FZD5: variants seen among roughly 807,000 people sequenced by gnomAD.
FZD5 encodes the protein frizzled-5.
Under a neutral mutation model 40.8 loss-of-function variants are expected in FZD5, and 12 were observed. The observed-to-expected ratio is 0.29, with a 90% confidence interval of 0.19 to 0.48. The LOEUF (loss-of-function observed/expected upper bound fraction) is 0.48, where lower values mean the gene tolerates loss of function less well. Among genes scored for constraint, FZD5 ranks in the 20% least tolerant of loss-of-function variants. The probability of loss-of-function intolerance (pLI) is 0.99; values close to 1 mark genes in which losing one functional copy is unlikely to be tolerated. For missense variants in FZD5, 622 were observed against 832.8 expected (o/e 0.75, Z 3.12); for synonymous variants, 380 against 383.7 (o/e 0.99, Z 0.11).
rs2091967147 is a variant in FZD5, at chr2:207,763,952, T to C, written c.*3030A>G. On this transcript the variant is annotated 3_prime_UTR_variant, in exon 2 of 2. Transcript: ENST00000295417. ...CACTGGCAATGGTCATGAGAAAATA[T>C]GAGAAAGGTTTGCAAGGAAAACCAA... The C allele has an allele frequency of 6.6e-6, 1 of 152,610 alleles. No homozygotes were observed. The highest frequency in any genetic ancestry group is 1.5e-5 in the Non-Finnish European group (1 of 68,016). The allele number at this position is 152,610 out of a possible 1,614,324, so 9.5% of individuals were successfully genotyped here. A position where few individuals can be genotyped will look rare whatever the true frequency, so the allele number is the denominator to read the frequency against.
chr2:207,767,259 G>A lies in FZD5; in HGVS notation c.1481C>T (p.Pro494Leu), dbSNP rs745786599. The change falls in exon 2 of 2, where the codon CCG becomes CTG. Residue 494 changes from proline to leucine, a missense_variant. Transcript: ENST00000295417. The stretch of plus-strand genomic sequence containing the variant: ...CACCCAGTACTCGGGCTTGGCGCGC[G>A]GCTGGCCGGTGTCGTGGCCCGGGCA... ...CACPGHDTGQ[P>L]RAKPEYWVLM... 11 of 1,610,682 alleles carry A rather than the reference G, an allele frequency of 6.8e-6. No homozygotes were observed. Among genetic ancestry groups the A allele is most frequent in the Non-Finnish European group, 9.3e-6 (11 of 1,179,004 alleles).
rs1006111991 is a variant in FZD5, at chr2:207,769,740, G to A, written c.-731C>T. On this transcript the variant is annotated 5_prime_UTR_variant, in exon 1 of 2. Coordinates refer to ENST00000295417, the MANE Select transcript of FZD5 (RefSeq NM_003468.4). ...GCCGCTCGCCTCCTCCCCTGCAGGG[G>A]GCTCCGCGCTCCAGTGGACTCCTGG... Among the ~76,000 whole-genome samples, 23 of 152,052 alleles carry A rather than the reference G, an allele frequency of 1.5e-4. No individual in the cohort carries two copies. The highest frequency in any genetic ancestry group is 1.0e-3 in the Admixed American group (16 of 15,270).
chr2:207,769,438 TGGGGGGC>T lies in FZD5; in HGVS notation c.-436_-430del, dbSNP rs2091999906. 1 of 152,356 alleles carries T rather than the reference TGGGGGGC, an allele frequency of 6.6e-6. No homozygotes were observed. Among genetic ancestry groups the T allele is most frequent in the East Asian group, 1.9e-4 (1 of 5,142 alleles). 9.4% of individuals were successfully genotyped at this position (152,356 alleles called of 1,614,324 possible). ...GGCAGCAGGTGGGGGCGACTCAGAG[TGGGGGGC>T]GCCCCCAGAACAGGGGCGGCGCAGG... On this transcript the variant is annotated 5_prime_UTR_variant, in exon 1 of 2. An upstream open reading frame in the 5' UTR loses its in-frame stop. Coordinates refer to ENST00000295417, the MANE Select transcript of FZD5 (RefSeq NM_003468.4).
At position 207,768,658 on chromosome 2, in the gene FZD5, A is replaced by C. The variant is rs2105852116; in HGVS notation, c.82T>G (p.Ser28Ala). The C allele has an allele frequency of 1.2e-6, 2 of 1,611,290 alleles. No homozygotes were observed. Among genetic ancestry groups the C allele is most frequent in the South Asian group, 2.2e-5 (2 of 90,886 alleles). ...ATTTCCTGGCACACCGGGGCCTTGGACGCGGCGGCCGCCCGGCCCACCAGC... is the reference window on the plus strand; with the variant it reads ...ATTTCCTGGCACACCGGGGCCTTGGCCGCGGCGGCCGCCCGGCCCACCAGC... ...AQLVGRAAAA[S>A]KAPVCQEITV... Residue 28 changes from serine (S) to alanine (A), a missense_variant, in exon 2 of 2, where the codon TCC (serine) becomes GCC (alanine). Physicochemically the swap from Ser to Ala is moderately conservative, Grantham distance 99. This residue lies in a region of FZD5 where 144 missense variants were observed against 214.2 expected (regional missense o/e 0.67). Transcript: ENST00000295417.
At position 207,763,859 on chromosome 2, in the gene FZD5, T is replaced by C. The variant is rs1243088124; in HGVS notation, c.*3123A>G. On this transcript the variant is annotated 3_prime_UTR_variant, in exon 2 of 2. Coordinates refer to ENST00000295417, the MANE Select transcript of FZD5 (RefSeq NM_003468.4). The stretch of plus-strand genomic sequence containing the variant: ...CTAATGAATACCAACTTTGAAACAG[T>C]GCTGTCGGCACGTTATTTAAGCTTG... 2 of 152,628 alleles carry C rather than the reference T, an allele frequency of 1.3e-5. No individual in the cohort carries two copies. Among genetic ancestry groups the C allele is most frequent in the Admixed American group, 6.5e-5 (1 of 15,280 alleles). The allele number at this position is 152,628 out of a possible 1,614,324, so 9.5% of individuals were successfully genotyped here. A position where few individuals can be genotyped will look rare whatever the true frequency, so the allele number is the denominator to read the frequency against.
rs1019026888 is a variant in FZD5 at position 207,767,286 on chromosome 2, G to T, written c.1454C>A (p.Ala485Asp). Residue 485 changes from alanine (A) to aspartate (D), a missense_variant, in exon 2 of 2, where the codon GCC (alanine) becomes GAC (aspartate). Around this residue, in one of 4 missense-constraint regions of FZD5, gnomAD observed 154 missense variants for 152.1 expected, o/e 1.01. Coordinates refer to ENST00000295417, the MANE Select transcript of FZD5 (RefSeq NM_003468.4). The part of the protein sequence containing the change: ...RESWEAALTC[A>D]CPGHDTGQPR... ...CTGGCCGGTGTCGTGGCCCGGGCAG[G>T]CGCAGGTGAGCGCCGCCTCCCAGCT... 4.0e-5 allele frequency: 65 copies of T among 1,610,698 alleles called. No homozygotes were observed. The highest frequency in any genetic ancestry group is 5.3e-5 in the Non-Finnish European group (63 of 1,179,120).
rs776562411 is a variant in FZD5, at chr2:207,768,286, G to A, written c.454C>T (p.Arg152Cys). Residue 152 changes from arginine (R) to cysteine (C), a missense_variant, in exon 2 of 2, where the codon CGC becomes TGC. Physicochemically the swap from Arg to Cys is radical, Grantham distance 180 (BLOSUM62 -3). This residue lies in a region of FZD5 where 116 missense variants were observed against 117.7 expected (regional missense o/e 0.99). Coordinates refer to ENST00000295417, the MANE Select transcript of FZD5 (RefSeq NM_003468.4). Reference protein sequence around the residue: ...DAEVLCMDYNRSEATTAPPRP... With the variant: ...DAEVLCMDYNCSEATTAPPRP... ...GGGGGCGCCGTGGTGGCCTCGCTGC[G>A]GTTGTAATCCATGCAGAGGACCTCG... 8.4e-6 allele frequency: 13 copies of A among 1,543,418 alleles called. No homozygotes were observed. Among genetic ancestry groups the A allele is most frequent in the Admixed American group, 5.9e-5 (3 of 51,114 alleles).
rs1257702718 is a variant in FZD5, at chr2:207,767,071, G to T, written c.1669C>A (p.Pro557Thr). The T allele has an allele frequency of 6.3e-7, 1 of 1,590,802 alleles. No homozygotes were observed. The highest frequency in any genetic ancestry group is 8.5e-7 in the Non-Finnish European group (1 of 1,170,634). The change falls in exon 2 of 2, where the codon CCC (proline) becomes ACC (threonine). Residue 557 changes from proline (P) to threonine (T), a missense_variant. By Grantham distance (38) the Pro-to-Thr change is conservative. Around this residue, in one of 4 missense-constraint regions of FZD5, gnomAD observed 154 missense variants for 152.1 expected, o/e 1.01. Transcript: ENST00000295417. The part of the protein sequence containing the change: ...SGGAMAAGDY[P>T]EASAALTGRT... ...CCTGTGAGCGCGGCGCTCGCCTCGG[G>T]GTAGTCCCCTGCGGCCATGGCGCCC...
rs766330128 is a variant in FZD5, at chr2:207,767,527, G to T, written c.1213C>A (p.Leu405Met). 1 of 1,609,614 alleles carries T rather than the reference G, an allele frequency of 6.2e-7. No homozygotes were observed. The highest frequency in any genetic ancestry group is 8.5e-7 in the Non-Finnish European group (1 of 1,179,866). Residue 405 changes from leucine to methionine, a missense_variant, in exon 2 of 2, where the codon CTG (leucine) becomes ATG (methionine). By Grantham distance (15) the Leu-to-Met change is conservative. This residue lies in a region of FZD5 where 208 missense variants were observed against 348.9 expected (regional missense o/e 0.60). Coordinates refer to ENST00000295417, the MANE Select transcript of FZD5 (RefSeq NM_003468.4). ...QNLNSLRGFV[L>M]GPLVLYLLVG... ...AGCAGGTAGAGCACCAGCGGGCCCA[G>T]CACGAAGCCGCGCAGCGAGTTCAGG...
chr2:207,768,269 C>T lies in FZD5; in HGVS notation c.471G>A (p.Thr157=). Residue 157 remains threonine, a synonymous_variant, in exon 2 of 2, where the codon ACG becomes ACA. Transcript: ENST00000295417. ...TGGCTGGGAAAGGCCTGGGGGGCGC[C>T]GTGGTGGCCTCGCTGCGGTTGTAAT... The part of the protein sequence containing the change: ...CMDYNRSEAT[T]APPRPFPAKP... The T allele has an allele frequency of 6.5e-7, 1 of 1,545,256 alleles. No homozygotes were observed. Among genetic ancestry groups the T allele is most frequent in the South Asian group, 1.2e-5 (1 of 85,388 alleles).
chr2:207,765,711 G>T lies in FZD5; in HGVS notation c.*1271C>A, dbSNP rs1362826244. On this transcript the variant is annotated 3_prime_UTR_variant, in exon 2 of 2. Coordinates refer to ENST00000295417, the MANE Select transcript of FZD5 (RefSeq NM_003468.4). The stretch of plus-strand genomic sequence containing the variant: ...ACGTCTTGCTGCTCTTGGAATATCT[G>T]GCTATAAACTAGTCCAAAGTCCAGG... 1 of 152,488 alleles carries T rather than the reference G, an allele frequency of 6.6e-6. No individual in the cohort carries two copies. The highest frequency in any genetic ancestry group is 1.5e-5 in the Non-Finnish European group (1 of 68,008). 9.4% of individuals were successfully genotyped at this position (152,488 alleles called of 1,614,324 possible).
At position 207,768,671 on chromosome 2, in the gene FZD5, C is replaced by T; in HGVS notation, c.69G>A (p.Arg23=). 1 of 1,609,382 alleles carries T rather than the reference C, an allele frequency of 6.2e-7. No homozygotes were observed. Among genetic ancestry groups the T allele is most frequent in the Non-Finnish European group, 8.5e-7 (1 of 1,178,160 alleles). The change falls in exon 2 of 2, where the codon CGG becomes CGA. Residue 23 remains arginine (R), a synonymous_variant. Coordinates refer to ENST00000295417, the MANE Select transcript of FZD5 (RefSeq NM_003468.4). The part of the protein sequence containing the change: ...LLLLLAQLVG[R]AAAASKAPVC... The stretch of plus-strand genomic sequence containing the variant: ...CCGGGGCCTTGGACGCGGCGGCCGC[C>T]CGGCCCACCAGCTGCGCTAGGAGCA...
rs1331283838 is a variant in FZD5, at chr2:207,766,621, C to T, written c.*361G>A. ...ATTGAGACCACACAGTTCAAAGAAACCTGAACCAAGTGGAACTTCATTACA... is the reference window on the plus strand; with the variant it reads ...ATTGAGACCACACAGTTCAAAGAAATCTGAACCAAGTGGAACTTCATTACA... On this transcript the variant is annotated 3_prime_UTR_variant, in exon 2 of 2. Coordinates refer to ENST00000295417, the MANE Select transcript of FZD5 (RefSeq NM_003468.4). 1 of 188,156 alleles carries T rather than the reference C, an allele frequency of 5.3e-6. No homozygotes were observed. Among genetic ancestry groups the T allele is most frequent in the African/African-American group, 2.3e-5 (1 of 42,806 alleles). The allele number at this position is 188,156 out of a possible 1,614,324, so 11.7% of individuals were successfully genotyped here.
At position 207,766,726 on chromosome 2, in the gene FZD5, A is replaced by C. The variant is rs1466353951; in HGVS notation, c.*256T>G. ...TGCAACAAAGTTACAAATTAAGAAA[A>C]ATACATATAAATTAAAAAGAGGGTT... On this transcript the variant is annotated 3_prime_UTR_variant, in exon 2 of 2. Coordinates refer to ENST00000295417, the MANE Select transcript of FZD5 (RefSeq NM_003468.4). The C allele has an allele frequency of 2.8e-6, 1 of 361,258 alleles. No individual in the cohort carries two copies. Among genetic ancestry groups the C allele is most frequent in the African/African-American group, 2.1e-5 (1 of 47,632 alleles). The allele number at this position is 361,258 out of a possible 1,614,324, so 22.4% of individuals were successfully genotyped here. A position where few individuals can be genotyped will look rare whatever the true frequency, so the allele number is the denominator to read the frequency against.
rs2091996451 is a variant in FZD5 at position 207,768,892 on chromosome 2, A to T, written c.-153T>A. ...TTCCTTTAAAGAAAACCGTCCAAAG[A>T]TAAACTGCTTCGGGAAGGCGCTGCC... On this transcript the variant is annotated 5_prime_UTR_variant, in exon 2 of 2. Transcript: ENST00000295417. The T allele has an allele frequency of 1.5e-6, 1 of 647,272 alleles. No homozygotes were observed. Among genetic ancestry groups the T allele is most frequent in the African/African-American group, 1.9e-5 (1 of 52,528 alleles). The allele number at this position is 647,272 out of a possible 1,614,324, so 40.1% of individuals were successfully genotyped here.
rs2092001496 is a variant in FZD5, at chr2:207,769,661, C to T, written c.-652G>A. ...GCCGCCTCACAGCACCGCGAGCAGC[C>T]GGCGCTGGCCAGGCCGGGACTGCAT... is the stretch of plus-strand genomic sequence containing the variant. On this transcript the variant is annotated 5_prime_UTR_variant, in exon 1 of 2. Coordinates refer to ENST00000295417, the MANE Select transcript of FZD5 (RefSeq NM_003468.4). 1 of 152,006 alleles carries T rather than the reference C, an allele frequency of 6.6e-6. No homozygotes were observed. Among genetic ancestry groups the T allele is most frequent in the Admixed American group, 6.6e-5 (1 of 15,254 alleles). The allele number at this position is 152,006 out of a possible 1,614,324, so 9.4% of individuals were successfully genotyped here. A position where few individuals can be genotyped will look rare whatever the true frequency, so the allele number is the denominator to read the frequency against.
At position 207,767,707 on chromosome 2, in the gene FZD5, C is replaced by T; in HGVS notation, c.1033G>A (p.Gly345Ser). ...ILSLTWFLAAGMKWGNEAIAG... is the reference protein window; with the variant it reads ...ILSLTWFLAASMKWGNEAIAG... ...ATGGCCTCGTTGCCCCACTTCATGC[C>T]GGCGGCCAGGAACCAGGTGAGCGAC... Residue 345 changes from glycine to serine, a missense_variant, in exon 2 of 2, where the codon GGC (glycine) becomes AGC (serine). By Grantham distance (56) the Gly-to-Ser change is moderately conservative. This residue lies in a region of FZD5 where 208 missense variants were observed against 348.9 expected (regional missense o/e 0.60). Transcript: ENST00000295417. 2 of 1,613,970 alleles carry T rather than the reference C, an allele frequency of 1.2e-6. No homozygotes were observed. The highest frequency in any genetic ancestry group is 1.7e-6 in the Non-Finnish European group (2 of 1,179,948).
At position 207,767,101 on chromosome 2, in the gene FZD5, T is replaced by C. The variant is rs1396556953; in HGVS notation, c.1639A>G (p.Ser547Gly). 1 of 1,582,564 alleles carries C rather than the reference T, an allele frequency of 6.3e-7. No homozygotes were observed. Among genetic ancestry groups the C allele is most frequent in the Non-Finnish European group, 8.6e-7 (1 of 1,165,038 alleles). ...CCCRPRRGHK[S>G]GGAMAAGDYP... ...TCCCCTGCGGCCATGGCGCCCCCGC[T>C]CTTGTGGCCGCGCCGCGGGCGGCAG... The change falls in exon 2 of 2, where the codon AGC (serine) becomes GGC (glycine). Residue 547 changes from serine to glycine, a missense_variant. Physicochemically the swap from Ser to Gly is moderately conservative, Grantham distance 56. Transcript: ENST00000295417.
rs1287803241 is a variant in FZD5, at chr2:207,764,101, T to A, written c.*2881A>T. On this transcript the variant is annotated 3_prime_UTR_variant, in exon 2 of 2. Coordinates refer to ENST00000295417, the MANE Select transcript of FZD5 (RefSeq NM_003468.4). Reference sequence around the variant, plus strand: ...CTAATTCACTGAGAGGTCCCATTAGTTCCTTTAGACAACCTACCTGAATGG... The same window carrying A: ...CTAATTCACTGAGAGGTCCCATTAGATCCTTTAGACAACCTACCTGAATGG... 1 of 152,616 alleles carries A rather than the reference T, an allele frequency of 6.6e-6. No homozygotes were observed. Among genetic ancestry groups the A allele is most frequent in the Non-Finnish European group, 1.5e-5 (1 of 68,044 alleles). The allele number at this position is 152,616 out of a possible 1,614,324, so 9.5% of individuals were successfully genotyped here.
Sources: allele counts gnomAD v4.1 joint callset (sites outside exome capture counted in the v4.1 genomes callset), GRCh38; gene constraint gnomAD v4.1.1; regional missense constraint gnomAD v4.1.1; transcripts MANE v1.5; gene names NCBI Gene and HGNC (gene_info 2026-07-23, HGNC 2026-07-21).